BAALC: variants seen among roughly 807,000 people sequenced by gnomAD.
BAALC encodes BAALC binder of MAP3K1 and KLF4.
In BAALC, 9 loss-of-function variants were observed where a neutral mutation model predicts 15.5. The observed-to-expected ratio is 0.58, with a 90% CI of 0.35 to 1.02. The LOEUF is 1.02. Ranked by LOEUF, BAALC falls within the 50% of genes least tolerant of loss-of-function variation. The probability of loss-of-function intolerance (pLI) is 0.02; values close to 1 mark genes in which losing one functional copy is unlikely to be tolerated. For missense variants in BAALC, 201 were observed against 192.4 expected, an observed-to-expected ratio of 1.04 and a Z score of -0.27; for synonymous variants, 80 against 74.6, an observed-to-expected ratio of 1.07 and a Z score of -0.37.
At chr8:103,226,510 T>A (rs1812809479) in intron 2 of BAALC, among the ~76,000 whole-genome samples, 1 of 152,100 alleles carries the variant, frequency 6.6e-6, no homozygotes, top group Non-Finnish European at 1.5e-5. Context: ...AATAACTGTG[T>A]CCATCCACTA....
intron 1 of BAALC, chr8:103,191,558 T>C (rs919156421): frequency 1.3e-5 from 2 of 152,172 alleles, no homozygotes; most frequent in Non-Finnish European, 2.9e-5. Context: ...GATTTCAATT[T>C]TTCTGTCTTC....
intron 2 of BAALC, among the ~76,000 whole-genome samples, chr8:103,226,824 A>G (rs183326790): frequency 6.6e-6 from 1 of 152,240 alleles, no homozygotes; most frequent in African/African-American, 2.4e-5. Flanking sequence ...GCATTACCTT[A>G]TTTAATCCAT....
At chr8:103,190,547 T>C (rs1454491216) in intron 1 of BAALC, among the ~76,000 whole-genome samples, 1 of 152,186 alleles carries the variant, frequency 6.6e-6, no homozygotes, top group East Asian at 1.9e-4. Context: ...TATCTAGGGG[T>C]ATTATAAAGT....
chr8:103,168,044 C>G (rs1232844074), intron 1 of BAALC, among the ~76,000 whole-genome samples: 1 of 152,078 alleles, frequency 6.6e-6, no homozygotes, highest in Non-Finnish European at 1.5e-5. Flanking sequence ...GTTGTGTAAA[C>G]TAGTTTTTTA....
At chr8:103,156,008 C>T (rs537339482) in intron 1 of BAALC, among the ~76,000 whole-genome samples, 43 of 152,336 alleles carry the variant, frequency 2.8e-4, no homozygotes, top group Admixed American at 5.9e-4. Flanking sequence ...AACTACTCAA[C>T]TTCTCTGTTT....
intron 1 of BAALC, among the ~76,000 whole-genome samples, chr8:103,184,437 C>T (rs1232723764): frequency 1.3e-5 from 2 of 152,220 alleles, no homozygotes; most frequent in Non-Finnish European, 2.9e-5. Flanking sequence ...TGAGCACCTT[C>T]TGTGTGGCAG....
chr8:103,170,145 T>C (rs62527640), intron 1 of BAALC, among the ~76,000 whole-genome samples: 14,474 of 152,180 alleles, frequency 0.095, 968 homozygotes, highest in Non-Finnish European at 0.15. Context: ...AGTTCCCTTA[T>C]GTTTGTTTTA....
intron 1 of BAALC, among the ~76,000 whole-genome samples, chr8:103,175,673 T>G (rs1304322338): frequency 3.3e-5 from 5 of 152,240 alleles, no homozygotes; most frequent in Non-Finnish European, 7.3e-5. Context: ...GCCAGGAAAC[T>G]GCCTTTGGGT....
At chr8:103,207,721 C>T (rs1364619042) in intron 1 of BAALC, among the ~76,000 whole-genome samples, 2 of 152,114 alleles carry the variant, frequency 1.3e-5, no homozygotes, top group East Asian at 3.9e-4. Context: ...TTAAAATAAT[C>T]CTTATGCCAA....
At chr8:103,186,051 G>A (rs1048024496) in intron 1 of BAALC, among the ~76,000 whole-genome samples, 2 of 152,218 alleles carry the variant, frequency 1.3e-5, no homozygotes, top group African/African-American at 2.4e-5. Flanking sequence ...CACAATGTGA[G>A]TGTTGAGTAG....
chr8:103,156,556 A>C (rs1811096248), intron 1 of BAALC, among the ~76,000 whole-genome samples: 2 of 152,170 alleles, frequency 1.3e-5, no homozygotes, highest in African/African-American at 4.8e-5. Context: ...GGGTGCAGCT[A>C]CCATGGCCTG....
intron 1 of BAALC, among the ~76,000 whole-genome samples, chr8:103,197,919 G>A (rs530348929): frequency 4.6e-5 from 7 of 152,180 alleles, no homozygotes; most frequent in Admixed American, 4.6e-4. Flanking sequence ...ACGAGATTTG[G>A]AGGAGACAAG....
Position 103,228,040 on chromosome 8 carries a change from A to G in BAALC, c.379A>G (p.Thr127Ala), listed in dbSNP as rs1586450012. The G allele has an allele frequency of 6.2e-7, 1 of 1,613,876 alleles. No homozygotes were observed. The highest frequency in any genetic ancestry group is 2.2e-5 in the East Asian group (1 of 44,858). Residue 127 changes from threonine (T) to alanine (A), a missense_variant, in exon 3 of 3, where the codon ACA becomes GCA. Transcript: ENST00000309982. ...TGCAAAAGAAGTCACCATTAATGTA[A>G]CAGATAGCATCCAACAGATGGACAG... ...MPAKEVTINV[T>A]DSIQQMDRSR...
chr8:103,217,243 T>G (rs934048722), intron 2 of BAALC, among the ~76,000 whole-genome samples: 5 of 152,244 alleles, frequency 3.3e-5, no homozygotes, highest in African/African-American at 1.2e-4. Context: ...ATCAGTGGTC[T>G]TTACATCCTG....
intron 1 of BAALC, among the ~76,000 whole-genome samples, chr8:103,210,507 G>A (rs1461527492): frequency 2.6e-5 from 4 of 152,212 alleles, no homozygotes; most frequent in African/African-American, 7.2e-5. Flanking sequence ...TCCCGCCCTT[G>A]ATATACAAAA....
At position 103,228,693 on chromosome 8, in the gene BAALC, T is replaced by C. The variant is rs1409295362; in HGVS notation, c.*594T>C. ...GAGACAGATCGGATCCAGTTTCCCA[T>C]GCACCAACCCACTGCCCATGGCATG... On this transcript the variant is annotated 3_prime_UTR_variant, in exon 3 of 3. Transcript: ENST00000309982. The C allele has an allele frequency of 6.6e-6, 1 of 152,346 alleles. No individual in the cohort carries two copies. Among genetic ancestry groups the C allele is most frequent in the Non-Finnish European group, 1.5e-5 (1 of 68,138 alleles). The allele number at this position is 152,346 out of a possible 1,614,324, so 9.4% of individuals were successfully genotyped here.
intron 1 of BAALC, chr8:103,183,492 A>T: frequency 1.4e-6 from 1 of 702,236 alleles, no homozygotes. Flanking sequence ...GTATGGGGGG[A>T]CCAGATCTGG....
intron 1 of BAALC, among the ~76,000 whole-genome samples, chr8:103,144,254 G>GC (rs1403228121): frequency 6.6e-6 from 1 of 152,158 alleles, no homozygotes; most frequent in African/African-American, 2.4e-5. Context: ...AAGGTTTCTT[G>GC]CATCTTCTTA....
At chr8:103,161,017 T>C (rs1199821468) in intron 1 of BAALC, among the ~76,000 whole-genome samples, 1 of 152,208 alleles carries the variant, frequency 6.6e-6, no homozygotes, top group South Asian at 2.1e-4. Flanking sequence ...ACACTCAGTA[T>C]TAACCATCAC....
Sources: gnomAD v4.1 joint callset for allele counts (sites outside exome capture counted in the v4.1 genomes callset) on GRCh38, gnomAD v4.1.1 for gene constraint, MANE v1.5 for transcripts, NCBI Gene and HGNC (gene_info 2026-07-23, HGNC 2026-07-21) for gene names.